ABCA13: variants seen among roughly 807,000 people sequenced by gnomAD.
ABCA13 encodes ATP binding cassette subfamily A member 13, also known as ATP-binding cassette sub-family A member 13.
ABCA13 carries 476 observed loss-of-function variants against 478.7 expected under a neutral mutation model. The ratio of observed to expected loss-of-function variants is 0.99; its 90% CI spans 0.92 to 1.07. The LOEUF (loss-of-function observed/expected upper bound fraction) is 1.07. Ranked by LOEUF, ABCA13 falls within the 50% of genes least tolerant of loss-of-function variation. The pLI is 0.00. For missense variants in ABCA13, 6,060 were observed against 5,910.6 expected, an observed-to-expected ratio of 1.03 and a Z score of -0.83; for synonymous variants, 2,252 against 2,158.9, an observed-to-expected ratio of 1.04 and a Z score of -1.20.
At chr7:48,537,488 A>G (rs1310688087) in intron 55 of ABCA13, among the ~76,000 whole-genome samples, 2 of 152,270 alleles carry the variant, frequency 1.3e-5, no homozygotes, top group African/African-American at 2.4e-5. Context: ...CAATGGCGAG[A>G]GCACACCTGA....
chr7:48,227,202 C>G, intron 5 of ABCA13, 60 bp from the exon 6 acceptor site: 10 of 1,584,940 alleles, frequency 6.3e-6, no homozygotes, highest in Non-Finnish European at 7.8e-6. Context: ...CTGTCTGTCT[C>G]ATTTACTTTA....
At chr7:48,326,524 C>CTAA (rs936165238) in intron 27 of ABCA13, among the ~76,000 whole-genome samples, 1 of 152,168 alleles carries the variant, frequency 6.6e-6, no homozygotes, top group African/African-American at 2.4e-5. Flanking sequence ...CCGCTAAGAG[C>CTAA]TAATGTTGGT....
chr7:48,283,941 A>C (rs1484526627), intron 19 of ABCA13, among the ~76,000 whole-genome samples: 1 of 152,088 alleles, frequency 6.6e-6, no homozygotes, highest in African/African-American at 2.4e-5. Flanking sequence ...AACATAGGGG[A>C]ACACCTATTT....
rs771794074 is a variant in ABCA13, at chr7:48,484,954, G to A, written c.13182+1791G>A. On this transcript the variant is annotated intron_variant, in intron 47 of 61. Coordinates refer to ENST00000435803, the MANE Select transcript of ABCA13 (RefSeq NM_152701.5). ...TTTCAGCCCTTAGGCTACATTCATC[G>A]ACATAGATGATATGATTTCATAGTC... Among the ~76,000 whole-genome samples, 7 of 152,226 alleles carry A rather than the reference G, an allele frequency of 4.6e-5. No individual in the cohort carries two copies. In the South Asian group the frequency reaches 1.2e-3, roughly 27 times the overall value.
intron 15 of ABCA13, among the ~76,000 whole-genome samples, chr7:48,264,080 G>A (rs1794560038): frequency 6.6e-6 from 1 of 151,794 alleles, no homozygotes; most frequent in African/African-American, 2.4e-5. Context: ...ATTTTACTTA[G>A]CATAATTAAT....
chr7:48,391,125 G>A (rs1815980906), intron 37 of ABCA13, among the ~76,000 whole-genome samples: 1 of 152,188 alleles, frequency 6.6e-6, no homozygotes, highest in South Asian at 2.1e-4. Flanking sequence ...CAGGCTGCTT[G>A]ATTTCTTGTG....
intron 50 of ABCA13, among the ~76,000 whole-genome samples, chr7:48,510,265 G>T (rs1166607285): frequency 6.6e-6 from 1 of 152,226 alleles, no homozygotes; most frequent in African/African-American, 2.4e-5. Flanking sequence ...AGAAGACAGT[G>T]AAACTTTACC....
At chr7:48,570,240 G>A (rs1429322530) in intron 55 of ABCA13, among the ~76,000 whole-genome samples, 1 of 149,082 alleles carries the variant, frequency 6.7e-6, no homozygotes, top group Non-Finnish European at 1.5e-5. Context: ...TTTTCTTCAA[G>A]TCTATTTTGT....
intron 35 of ABCA13, among the ~76,000 whole-genome samples, 177 bp downstream of exon 35, chr7:48,376,749 C>T (rs1482375048): frequency 6.6e-6 from 1 of 152,030 alleles, no homozygotes; most frequent in Non-Finnish European, 1.5e-5. Context: ...GCCTTTGTTT[C>T]CCAAGTGAAA....
chr7:48,275,154 T>G lies in ABCA13; in HGVS notation c.5488T>G (p.Ser1830Ala), dbSNP rs1796130107. 1 of 1,613,938 alleles carries G rather than the reference T, an allele frequency of 6.2e-7. No homozygotes were observed. The highest frequency in any genetic ancestry group is 8.5e-7 in the Non-Finnish European group (1 of 1,179,868). The change falls in exon 17 of 62, where the codon TCT becomes GCT. Residue 1830 changes from serine (S) to alanine (A), a missense_variant. Physicochemically the swap from Ser to Ala is moderately conservative, Grantham distance 99. This residue lies in a region of ABCA13 where 4,423 missense variants were observed against 4,309.1 expected (regional missense o/e 1.03). Coordinates refer to ENST00000435803, the MANE Select transcript of ABCA13 (RefSeq NM_152701.5). ...GGTTTGGTGCTGGAATCACACAAAT[T>G]CTGGATTTCGGCAGAATTCAAAGAT... Reference protein sequence around the residue: ...PVVWCWNHTNSGFRQNSKIDP... With the variant: ...PVVWCWNHTNAGFRQNSKIDP...
chr7:48,202,836 C>G (rs1798979911), intron 3 of ABCA13, among the ~76,000 whole-genome samples: 1 of 152,284 alleles, frequency 6.6e-6, no homozygotes, highest in South Asian at 2.1e-4. Flanking sequence ...ACTCAGGAGC[C>G]CAGCTGGCTT....
Position 48,587,227 on chromosome 7 carries a change from G to A in ABCA13, c.14579G>A (p.Gly4860Glu), listed in dbSNP as rs1343617695. 3 of 1,612,222 alleles carry A rather than the reference G, an allele frequency of 1.9e-6. No individual in the cohort carries two copies. The highest frequency in any genetic ancestry group is 2.5e-6 in the Non-Finnish European group (3 of 1,179,204). ...ADKPVATYSG[G>E]TKRKLSTALA... ...AAACCTGTGGCCACCTACAGTGGGGGAACCAAGCGGAAACTCTCTACAGCC... is the reference window on the plus strand; with the variant it reads ...AAACCTGTGGCCACCTACAGTGGGGAAACCAAGCGGAAACTCTCTACAGCC... The change falls in exon 57 of 62, where the codon GGA becomes GAA. Residue 4860 changes from glycine (G) to glutamate (E), a missense_variant. Gly to Glu is a moderately conservative substitution (Grantham distance 98). This residue lies in a region of ABCA13 where 1,627 missense variants were observed against 1,571.0 expected (regional missense o/e 1.04). Transcript: ENST00000435803.
At chr7:48,363,722 A>G (rs952186153) in intron 31 of ABCA13, among the ~76,000 whole-genome samples, 8 of 151,658 alleles carry the variant, frequency 5.3e-5, no homozygotes, top group Non-Finnish European at 1.2e-4. Context: ...TTCCAATTTT[A>G]TTCTCCTTTG....
At chr7:48,188,335 T>C (rs938089179) in intron 1 of ABCA13, among the ~76,000 whole-genome samples, 5 of 152,232 alleles carry the variant, frequency 3.3e-5, no homozygotes, top group Admixed American at 1.3e-4. Flanking sequence ...GTCAGCCTCA[T>C]TGTTCACTTT....
intron 48 of ABCA13, among the ~76,000 whole-genome samples, chr7:48,502,058 T>G (rs1050202266): frequency 6.6e-6 from 1 of 152,212 alleles, no homozygotes; most frequent in Admixed American, 6.5e-5. Flanking sequence ...AATTCTAAAA[T>G]GCTGAAAGCT....
intron 38 of ABCA13, among the ~76,000 whole-genome samples, chr7:48,398,487 T>G (rs1005697334): frequency 2.0e-5 from 3 of 152,204 alleles, no homozygotes; most frequent in African/African-American, 7.2e-5. Flanking sequence ...CCTATTACTC[T>G]CCTGTATCAC....
chr7:48,319,636 A>C (rs1803124577), intron 27 of ABCA13, among the ~76,000 whole-genome samples: 1 of 152,184 alleles, frequency 6.6e-6, no homozygotes, highest in African/African-American at 2.4e-5. Flanking sequence ...AGGAAAAAAA[A>C]TCTATAAAAG....
At chr7:48,193,184 C>A in intron 2 of ABCA13, 132 bp downstream of exon 2, 1 of 688,750 alleles carries the variant, frequency 1.5e-6, no homozygotes, top group Non-Finnish European at 2.4e-6. Context: ...ATGACAATAA[C>A]AACATATCTG....
At chr7:48,594,948 T>A in intron 58 of ABCA13, 135 bp downstream of exon 58, 5 of 740,240 alleles carry the variant, frequency 6.8e-6, no homozygotes, top group Non-Finnish European at 1.1e-5. Context: ...GTGATATTAT[T>A]GTTAGCCCTC....
Sources: gnomAD v4.1 joint callset for allele counts (sites outside exome capture counted in the v4.1 genomes callset) on GRCh38, gnomAD v4.1.1 for gene constraint, gnomAD v4.1.1 regional missense constraint, MANE v1.5 for transcripts, NCBI Gene and HGNC (gene_info 2026-07-23, HGNC 2026-07-21) for gene names.